Variants in BTN3A3 observed in about 807,000 individuals in gnomAD.
The protein encoded by BTN3A3 is butyrophilin subfamily 3 member A3, also known as butyrophilin 3.
A neutral mutation model predicts 43.2 loss-of-function variants in BTN3A3; 39 were observed. The ratio of observed to expected loss-of-function variants is 0.90; its 90% CI spans 0.70 to 1.18. BTN3A3 has a LOEUF of 1.18. BTN3A3 is among the 50% of genes most tolerant of loss of function. The pLI is 0.00. For missense variants in BTN3A3, 631 were observed against 722.8 expected, an observed-to-expected ratio of 0.87 and a Z score of 1.46; for synonymous variants, 255 against 272.7, an observed-to-expected ratio of 0.93 and a Z score of 0.64.
At chr6:26,451,147 C>T (rs1414224857) in intron 10 of BTN3A3, among the ~76,000 whole-genome samples, 1 of 152,162 alleles carries the variant, frequency 6.6e-6, no homozygotes, top group Non-Finnish European at 1.5e-5. Flanking sequence ...TCAGGAGCTT[C>T]CTTCATGCCC....
intron 8 of BTN3A3, 29 bp from the exon 9 acceptor site, chr6:26,449,633 G>A (rs768700194): frequency 9.3e-6 from 15 of 1,613,994 alleles, no homozygotes; most frequent in Non-Finnish European, 1.2e-5. Context: ...CAGTGTTCAG[G>A]TGACACCTCT....
intron 2 of BTN3A3, 54 bp from the exon 3 acceptor site, chr6:26,443,516 T>A (rs1306080994): frequency 3.1e-6 from 5 of 1,610,090 alleles, no homozygotes; most frequent in Non-Finnish European, 4.2e-6. Flanking sequence ...AGCCTAAAGC[T>A]TCTTCCAGGC....
intron 4 of BTN3A3, 180 bp downstream of exon 4, chr6:26,444,484 T>C: frequency 2.0e-6 from 2 of 1,009,042 alleles, no homozygotes; most frequent in Admixed American, 5.0e-5. Flanking sequence ...TAGAAAGAAT[T>C]CCTGCTGTAC....
At chr6:26,443,821 G>C (rs1218019138) in intron 3 of BTN3A3, 136 bp from the exon 4 acceptor site, 1 of 1,486,724 alleles carries the variant, frequency 6.7e-7, no homozygotes, top group Non-Finnish European at 9.3e-7. Context: ...GTCACAAAGA[G>C]ACAAATGGTC....
At chr6:26,450,647 T>A (rs1023006925) in intron 10 of BTN3A3, among the ~76,000 whole-genome samples, 1 of 152,040 alleles carries the variant, frequency 6.6e-6, no homozygotes, top group Non-Finnish European at 1.5e-5. Flanking sequence ...AAAAACCAAG[T>A]AAGAAAGAGA....
In BTN3A3 at chr6:26,444,373, C is replaced by G. The variant is rs552627146; in HGVS notation, c.433+69C>G. 508 of 1,609,472 alleles carry G rather than the reference C, an allele frequency of 3.2e-4. 1 individual carries two copies. Among genetic ancestry groups the G allele is most frequent in the Middle Eastern group, 9.0e-4 (4 of 4,424 alleles). On this transcript the variant is annotated intron_variant, in intron 4 of 10. Coordinates refer to ENST00000244519, the MANE Select transcript of BTN3A3 (RefSeq NM_006994.5). ...CTAGAGCAGATGCAGAGTCCCTCTTCCAAAAGTACTGCAGACACTCCTGGC... is the reference window on the plus strand; with the variant it reads ...CTAGAGCAGATGCAGAGTCCCTCTTGCAAAAGTACTGCAGACACTCCTGGC...
chr6:26,447,894 AG>A (rs1762823291), intron 5 of BTN3A3, among the ~76,000 whole-genome samples: 1 of 152,156 alleles, frequency 6.6e-6, no homozygotes, highest in Admixed American at 6.5e-5. Flanking sequence ...AGATGGAGGG[AG>A]GGAGTACTAG....
chr6:26,450,047 G>A lies in BTN3A3; in HGVS notation c.992-60G>A. ...AGAAAACGTGTAGTGAAAGGAGAAT[G>A]GAGTGGAGAAAAGAACAAAAATACT... On this transcript the variant is annotated intron_variant, in intron 9 of 10. Coordinates refer to ENST00000244519, the MANE Select transcript of BTN3A3 (RefSeq NM_006994.5). 6 of 1,539,702 alleles carry A rather than the reference G, an allele frequency of 3.9e-6. No individual in the cohort carries two copies. The South Asian group carries it at 6.7e-5, about 17-fold the overall frequency.
chr6:26,444,083 G>C lies in BTN3A3; in HGVS notation c.212G>C (p.Ser71Thr), dbSNP rs913270878. The C allele has an allele frequency of 6.2e-7, 1 of 1,613,980 alleles. No homozygotes were observed. Among genetic ancestry groups the C allele is most frequent in the Middle Eastern group, 1.7e-4 (1 of 6,054 alleles). ...ATGGAGCTGAGGTGGGTGAGTTCCA[G>C]CCTAAGGCAGGTGGTGAACGTGTAT... ...ETMELRWVSS[S>T]LRQVVNVYAD... The change falls in exon 4 of 11, where the codon AGC becomes ACC. Residue 71 changes from serine (S) to threonine (T), a missense_variant. By Grantham distance (58) the Ser-to-Thr change is moderately conservative (BLOSUM62 1). This residue lies in a region of BTN3A3 where 80 missense variants were observed against 138.7 expected (regional missense o/e 0.58). Coordinates refer to ENST00000244519, the MANE Select transcript of BTN3A3 (RefSeq NM_006994.5).
At chr6:26,442,370 C>T (rs1447662918) in intron 1 of BTN3A3, among the ~76,000 whole-genome samples, 7 of 152,070 alleles carry the variant, frequency 4.6e-5, no homozygotes, top group African/African-American at 1.7e-4. Flanking sequence ...AGCAAAAGGC[C>T]AACGTGTTCT....
chr6:26,448,161 C>G, intron 5 of BTN3A3, 87 bp from the exon 6 acceptor site: 3 of 1,466,334 alleles, frequency 2.0e-6, no homozygotes, highest in Non-Finnish European at 2.8e-6. Flanking sequence ...TGCCCCCAAC[C>G]TGGGCTGAGC....
At position 26,452,812 on chromosome 6, in the gene BTN3A3, A is replaced by G. The variant is rs1469157571; in HGVS notation, c.*401A>G. The G allele has an allele frequency of 5.3e-6, 1 of 188,662 alleles. No homozygotes were observed. Among genetic ancestry groups the G allele is most frequent in the Admixed American group, 5.3e-5 (1 of 18,798 alleles). 11.7% of individuals were successfully genotyped at this position (188,662 alleles called of 1,614,324 possible). On this transcript the variant is annotated 3_prime_UTR_variant, in exon 11 of 11. Transcript: ENST00000244519. ...CAGCCTGATTTTTTTTCCCACAGGA[A>G]GAGCCCACATGTAGCCCTGAGGTTT...
rs1762937019 is a variant in BTN3A3, at chr6:26,451,757, G to A, written c.1101G>A (p.Glu367=). The A allele has an allele frequency of 3.7e-6, 6 of 1,614,054 alleles. No homozygotes were observed. The highest frequency in any genetic ancestry group is 5.1e-6 in the Non-Finnish European group (6 of 1,179,914). Residue 367 remains glutamate, a synonymous_variant, in exon 11 of 11, where the codon GAG becomes GAA. Transcript: ENST00000244519. The stretch of plus-strand genomic sequence containing the variant: ...AGAGGAGTGTGCAGCGTGCTGAAGA[G>A]CCGCGGGATCTGCCAGACAACCCTG... ...EDQRSVQRAE[E]PRDLPDNPER...
Position 26,448,467 on chromosome 6 carries a change from G to C in BTN3A3, c.916+19G>C, listed in dbSNP as rs772885729. 4 of 1,610,812 alleles carry C rather than the reference G, an allele frequency of 2.5e-6. No homozygotes were observed. The highest frequency in any genetic ancestry group is 3.4e-6 in the Non-Finnish European group (4 of 1,178,172). On this transcript the variant is annotated intron_variant, in intron 6 of 10. Transcript: ENST00000244519. ...CTAAGAGGTATCCAACGCAAGCAGA[G>C]AATCTAAGCCCCTGGCTTGCATGCC...
chr6:26,444,012 C>T lies in BTN3A3; in HGVS notation c.141C>T (p.Asp47=), dbSNP rs774961102. 11 of 1,613,836 alleles carry T rather than the reference C, an allele frequency of 6.8e-6. No individual in the cohort carries two copies. Among genetic ancestry groups the T allele is most frequent in the African/African-American group, 4.0e-5 (3 of 74,902 alleles). ...CCATCCTGGCCATGGTGGGTGAAGA[C>T]GCTGATCTGCCCTGTCACCTGTTCC... ...SGPILAMVGE[D]ADLPCHLFPT... The change falls in exon 4 of 11, where the codon GAC becomes GAT. Residue 47 remains aspartate, a synonymous_variant. Coordinates refer to ENST00000244519, the MANE Select transcript of BTN3A3 (RefSeq NM_006994.5).
intron 10 of BTN3A3, among the ~76,000 whole-genome samples, chr6:26,450,458 G>A (rs2113843787): frequency 6.6e-6 from 1 of 152,276 alleles, no homozygotes; most frequent in East Asian, 1.9e-4. Context: ...AAGGAGAGGA[G>A]GTGATGCCTG....
In BTN3A3 at chr6:26,453,337, T is replaced by C. The variant is rs1762974937; in HGVS notation, c.*926T>C. The C allele has an allele frequency of 6.6e-6, 1 of 152,168 alleles. No homozygotes were observed. The highest frequency in any genetic ancestry group is 2.1e-4 in the South Asian group (1 of 4,826). The allele number at this position is 152,168 out of a possible 1,614,324, so 9.4% of individuals were successfully genotyped here. ...CTGCTCCTCATTATCATCACTATTATTGCTCACCACTGTATCCCCTCTACT... is the reference window on the plus strand; with the variant it reads ...CTGCTCCTCATTATCATCACTATTACTGCTCACCACTGTATCCCCTCTACT... On this transcript the variant is annotated 3_prime_UTR_variant, in exon 11 of 11. Coordinates refer to ENST00000244519, the MANE Select transcript of BTN3A3 (RefSeq NM_006994.5).
chr6:26,444,152 G>C lies in BTN3A3; in HGVS notation c.281G>C (p.Arg94Pro). 1.9e-6 allele frequency: 3 copies of C among 1,612,340 alleles called. No homozygotes were observed. In the South Asian group the frequency reaches 3.3e-5, roughly 18 times the overall value. The change falls in exon 4 of 11, where the codon CGA becomes CCA. Residue 94 changes from arginine (R) to proline (P), a missense_variant. Coordinates refer to ENST00000244519, the MANE Select transcript of BTN3A3 (RefSeq NM_006994.5). ...EVEDRQSAPY[R>P]GRTSILRDGI... ...GAAGACAGGCAGAGTGCACCGTATC[G>C]AGGGAGAACTTCGATTCTGCGGGAT...
Position 26,453,089 on chromosome 6 carries a change from G to A in BTN3A3, c.*678G>A. On this transcript the variant is annotated 3_prime_UTR_variant, in exon 11 of 11. Coordinates refer to ENST00000244519, the MANE Select transcript of BTN3A3 (RefSeq NM_006994.5). ...CACCCAACAAATGTGATAAGTGATT[G>A]TGCAGCCAGAGCCAGCCTTCCTTCA... 6.6e-6 allele frequency: 1 copy of A among 152,224 alleles called. No homozygotes were observed. The highest frequency in any genetic ancestry group is 1.9e-4 in the East Asian group (1 of 5,202). 9.4% of individuals were successfully genotyped at this position (152,224 alleles called of 1,614,324 possible).
Sources: allele counts gnomAD v4.1 joint callset (sites outside exome capture counted in the v4.1 genomes callset), GRCh38; gene constraint gnomAD v4.1.1; regional missense constraint gnomAD v4.1.1; transcripts MANE v1.5; gene names NCBI Gene and HGNC (gene_info 2026-07-23, HGNC 2026-07-21).